The following SYCP1 variants were observed in gnomAD, a reference collection of about 807,000 sequenced individuals.
The protein encoded by SYCP1 is cancer/testis antigen 8.
SYCP1 carries 64 observed loss-of-function variants against 153.1 expected under a neutral mutation model. The observed-to-expected ratio is 0.42, with a 90% CI of 0.34 to 0.51. The LOEUF is 0.51. Ranked by LOEUF, SYCP1 falls within the 20% of genes least tolerant of loss-of-function variation. SYCP1 has a pLI of 0.06. For missense variants in SYCP1, 997 were observed against 1,049.0 expected, an observed-to-expected ratio of 0.95 and a Z score of 0.68; for synonymous variants, 384 against 341.8, an observed-to-expected ratio of 1.12 and a Z score of -1.36.
chr1:114,902,081 G>T (rs1319264467), intron 16 of SYCP1, among the ~76,000 whole-genome samples: 1 of 151,362 alleles, frequency 6.6e-6, no homozygotes, highest in Non-Finnish European at 1.5e-5. Flanking sequence ...GGGCCCTTGG[G>T]TCATGCTTCC....
In SYCP1 at chr1:114,878,149, C is replaced by A. The variant is rs1329118668; in HGVS notation, c.857C>A (p.Thr286Lys). The A allele has an allele frequency of 1.9e-6, 3 of 1,587,960 alleles. No individual in the cohort carries two copies. The highest frequency in any genetic ancestry group is 2.6e-6 in the Non-Finnish European group (3 of 1,160,534). Reference sequence around the variant, plus strand: ...AAAGAAAATAAAATGAAAGATTTAACATTTCTGCTAGAGGAATCCAGAGAT... The same window carrying A: ...AAAGAAAATAAAATGAAAGATTTAAAATTTCTGCTAGAGGAATCCAGAGAT... ...TEKENKMKDL[T>K]FLLEESRDKV... Residue 286 changes from threonine (T) to lysine (K), a missense_variant, in exon 12 of 32, where the codon ACA (threonine) becomes AAA (lysine). Around this residue, in one of 2 missense-constraint regions of SYCP1, gnomAD observed 285 missense variants for 366.1 expected, o/e 0.78. Coordinates refer to ENST00000369522, the MANE Select transcript of SYCP1 (RefSeq NM_003176.4).
At chr1:114,882,418 G>A (rs940579961) in intron 12 of SYCP1, among the ~76,000 whole-genome samples, 2 of 151,364 alleles carry the variant, frequency 1.3e-5, no homozygotes, top group Non-Finnish European at 2.9e-5. Context: ...TTTATTTTTA[G>A]TTACTAAGAT....
chr1:114,858,716 G>T lies in SYCP1; in HGVS notation c.456+5G>T. 6.2e-7 allele frequency: 1 copy of T among 1,604,796 alleles called. No homozygotes were observed. Among genetic ancestry groups the T allele is most frequent in the South Asian group, 1.1e-5 (1 of 90,034 alleles). On this transcript the variant is annotated splice_donor_5th_base_variant and intron_variant, in intron 6 of 31. Coordinates refer to ENST00000369522, the MANE Select transcript of SYCP1 (RefSeq NM_003176.4). ...AAAGCCATTCAGGAACTGCAAGTATGACACAATTTTGCATTGTAAACATAG... is the reference window on the plus strand; with the variant it reads ...AAAGCCATTCAGGAACTGCAAGTATTACACAATTTTGCATTGTAAACATAG...
intron 12 of SYCP1, among the ~76,000 whole-genome samples, chr1:114,881,503 C>CCTTCCTTCCTTCCTTCCTTCCTTCCTTT (rs1665929056): frequency 8.4e-6 from 1 of 118,598 alleles, no homozygotes; most frequent in Non-Finnish European, 1.7e-5. Flanking sequence ...AAGGTATTAT[C>CCTTCCTTCCTTCCTTCCTTCCTTCCTTT]CTTCCTTCCT....
chr1:114,942,883 T>G (rs1670473250), intron 23 of SYCP1, among the ~76,000 whole-genome samples: 1 of 151,864 alleles, frequency 6.6e-6, no homozygotes, highest in Non-Finnish European at 1.5e-5. Flanking sequence ...ACCTCAAAAT[T>G]GGAGAAATAT....
intron 8 of SYCP1, among the ~76,000 whole-genome samples, chr1:114,867,121 C>T (rs1034247194): frequency 3.3e-5 from 5 of 151,976 alleles, no homozygotes; most frequent in Admixed American, 1.3e-4. Context: ...TTGTCCTTTT[C>T]CCCCACAAAT....
At chr1:114,944,157 G>A (rs558928034) in intron 23 of SYCP1, among the ~76,000 whole-genome samples, 182 bp from the exon 24 acceptor site, 1 of 151,904 alleles carries the variant, frequency 6.6e-6, no homozygotes, top group East Asian at 1.9e-4. Context: ...TTTTAGGGGA[G>A]AAGATAGATT....
intron 10 of SYCP1, among the ~76,000 whole-genome samples, chr1:114,876,377 T>A (rs895557303): frequency 3.9e-5 from 6 of 152,000 alleles, no homozygotes; most frequent in Non-Finnish European, 7.4e-5. Flanking sequence ...ATTTTTTTTT[T>A]AGAAATGTGA....
intron 27 of SYCP1, among the ~76,000 whole-genome samples, chr1:114,971,847 G>A (rs145359761): frequency 0.01 from 1,580 of 152,204 alleles, 51 homozygotes; most frequent in Admixed American, 0.072. Context: ...TTGCATCAAT[G>A]TTCATCCGGG....
intron 30 of SYCP1, among the ~76,000 whole-genome samples, chr1:114,991,281 G>A (rs1673905184): frequency 6.6e-6 from 1 of 151,770 alleles, no homozygotes; most frequent in Admixed American, 6.6e-5. Flanking sequence ...AGTTGAAGAA[G>A]GAACACCTCC....
At chr1:114,883,338 C>T (rs1432733559) in intron 12 of SYCP1, among the ~76,000 whole-genome samples, 3 of 152,092 alleles carry the variant, frequency 2.0e-5, no homozygotes, top group African/African-American at 4.8e-5. Flanking sequence ...AATTTCATAG[C>T]CAATAATTCT....
intron 27 of SYCP1, among the ~76,000 whole-genome samples, chr1:114,970,442 C>T (rs750313425): frequency 1.3e-5 from 2 of 151,892 alleles, no homozygotes; most frequent in African/African-American, 2.4e-5. Flanking sequence ...GGTTTTGATC[C>T]ATTGCTGGTG....
chr1:114,911,877 T>C (rs551269366), intron 18 of SYCP1, among the ~76,000 whole-genome samples: 99 of 152,136 alleles, frequency 6.5e-4, no homozygotes, highest in African/African-American at 2.3e-3. Context: ...CTGGTTGTTT[T>C]GGTTGTTTTG....
chr1:114,881,315 T>A (rs905126832), intron 12 of SYCP1, among the ~76,000 whole-genome samples: 5 of 152,204 alleles, frequency 3.3e-5, no homozygotes, highest in Admixed American at 1.3e-4. Flanking sequence ...CTTTCTGTTT[T>A]GAAGAGGAAT....
chr1:114,971,563 C>T lies in SYCP1; in HGVS notation c.2323-5994C>T, dbSNP rs74490957. ...ACTTCGCCATTCAGTATGATACTAG[C>T]TGTGAGTCTGTCATATACGGCTTTT... On this transcript the variant is annotated intron_variant, in intron 27 of 31. Transcript: ENST00000369522. Among the ~76,000 whole-genome samples, 4 of 152,168 alleles carry T rather than the reference C, an allele frequency of 2.6e-5. No individual in the cohort carries two copies. The East Asian group carries it at 7.7e-4, about 29-fold the overall frequency.
chr1:114,926,385 C>A, intron 22 of SYCP1, 45 bp downstream of exon 22: 1 of 1,485,110 alleles, frequency 6.7e-7, no homozygotes, highest in South Asian at 1.4e-5. Context: ...CTGATATTTT[C>A]ACCACAGTTT....
intron 20 of SYCP1, among the ~76,000 whole-genome samples, chr1:114,920,840 G>A (rs1012128683): frequency 2.0e-5 from 3 of 151,754 alleles, no homozygotes; most frequent in Admixed American, 1.3e-4. Flanking sequence ...TTCTTTTACC[G>A]TTCCTATATT....
intron 16 of SYCP1, among the ~76,000 whole-genome samples, chr1:114,899,439 C>T (rs753410078): frequency 6.6e-6 from 1 of 152,182 alleles, no homozygotes; most frequent in Non-Finnish European, 1.5e-5. Context: ...CATTTTAGCT[C>T]TTCATGAATT....
rs993849602 is a variant in SYCP1 at position 114,858,426 on chromosome 1, G to A, written c.292-121G>A. 4.0e-4 allele frequency: 287 copies of A among 721,824 alleles called. 2 individuals carry two copies. The East Asian group carries it at 7.9e-3, about 20-fold the overall frequency. 44.7% of individuals were successfully genotyped at this position (721,824 alleles called of 1,614,324 possible). ...TAATGTGGCTTTCAGTATGCTATTA[G>A]TGCTTAAATTGAGGAGATATTTGGT... On this transcript the variant is annotated intron_variant, in intron 5 of 31. Transcript: ENST00000369522.
Sources: allele counts gnomAD v4.1 joint callset (sites outside exome capture counted in the v4.1 genomes callset), GRCh38; gene constraint gnomAD v4.1.1; regional missense constraint gnomAD v4.1.1; transcripts MANE v1.5; gene names NCBI Gene and HGNC (gene_info 2026-07-23, HGNC 2026-07-21).